The following ANKRD16 variants were observed in gnomAD, a reference collection of about 807,000 sequenced individuals.
The protein encoded by ANKRD16 is ankyrin repeat domain-containing protein 16.
In ANKRD16, 35 loss-of-function variants were observed where a neutral mutation model predicts 37.9. That is an observed-to-expected ratio of 0.92 (90% CI 0.71 to 1.23). ANKRD16 has a LOEUF of 1.23. Ranked by LOEUF, ANKRD16 falls within the 50% of genes most tolerant of loss-of-function variation. The pLI is 0.00. For synonymous variants in ANKRD16, 206 were observed against 197.2 expected (o/e 1.04, Z -0.37); for missense variants, 480 against 469.9 (o/e 1.02, Z -0.20).
In ANKRD16 at chr10:5,877,969, C is replaced by T. The variant is rs1842210961; in HGVS notation, c.*33+128G>A. 5.9e-6 allele frequency: 6 copies of T among 1,021,008 alleles called. No homozygotes were observed. In the African/African-American group the frequency reaches 8.0e-5, roughly 14 times the overall value. The allele number at this position is 1,021,008 out of a possible 1,614,324, so 63.2% of individuals were successfully genotyped here. A position where few individuals can be genotyped will look rare whatever the true frequency, so the allele number is the denominator to read the frequency against. The stretch of plus-strand genomic sequence containing the variant: ...AGCTGGGAACTCAGCCCCCTGATCA[C>T]TGGGAACTCCTCAGCAGGAGTGGAA... On this transcript the variant is annotated intron_variant, in intron 7 of 7. Transcript: ENST00000380094.
rs773348914 is a variant in ANKRD16, at chr10:5,889,147, C to G, written c.208G>C (p.Asp70His). 1 of 1,598,546 alleles carries G rather than the reference C, an allele frequency of 6.3e-7. No homozygotes were observed. Among genetic ancestry groups the G allele is most frequent in the Admixed American group, 1.7e-5 (1 of 59,840 alleles). ...WGMDIEATNR[D>H]YKRPLHEAAS... is the part of the protein sequence containing the mutation. ...GCCTCGTGCAGAGGCCGCTTGTAGT[C>G]TCGGTTGGTGGCCTCGATGTCCATG... is the stretch of plus-strand genomic sequence containing the variant. The change falls in exon 1 of 8, where the codon GAC becomes CAC. Residue 70 changes from aspartate (D) to histidine (H), a missense_variant. Physicochemically the swap from Asp to His is moderately conservative, Grantham distance 81. Transcript: ENST00000380094.
At chr10:5,887,708 CAGATG>C in intron 2 of ANKRD16, 134 bp downstream of exon 2, 2 of 193,390 alleles carry the variant, frequency 1.0e-5, no homozygotes, top group Non-Finnish European at 2.1e-5. Flanking sequence ...CCCTCCCCCC[CAGATG>C]TTCTTATTCT....
chr10:5,876,651 C>T (rs1842190470), intron 7 of ANKRD16, among the ~76,000 whole-genome samples: 2 of 152,178 alleles, frequency 1.3e-5, no homozygotes, highest in South Asian at 4.1e-4. Flanking sequence ...AAACAGGAAT[C>T]CGCTGATGCC....
chr10:5,872,901 C>T (rs1288627906), intron 7 of ANKRD16, among the ~76,000 whole-genome samples: 1 of 151,824 alleles, frequency 6.6e-6, no homozygotes, highest in Non-Finnish European at 1.5e-5. Flanking sequence ...CACTCTGTCA[C>T]CCAGGCTGGA....
rs1036324728 is a variant in ANKRD16 at position 5,889,423 on chromosome 10, C to T, written c.-69G>A. On this transcript the variant is annotated 5_prime_UTR_variant, in exon 1 of 8. Coordinates refer to ENST00000380094, the MANE Select transcript of ANKRD16 (RefSeq NM_019046.3). The stretch of plus-strand genomic sequence containing the variant: ...ACACCGGCGGCCGGGCAGGGAGAAG[C>T]CGAGGGCGAGTGGGACTTTCCGCCT... 8.2e-6 allele frequency: 9 copies of T among 1,103,534 alleles called. No homozygotes were observed. In the African/African-American group the frequency reaches 1.5e-4, roughly 18 times the overall value. The allele number at this position is 1,103,534 out of a possible 1,614,324, so 68.4% of individuals were successfully genotyped here.
intron 2 of ANKRD16, 85 bp from the exon 3 acceptor site, chr10:5,885,850 C>T (rs1382368099): frequency 1.7e-5 from 23 of 1,381,530 alleles, no homozygotes; most frequent in South Asian, 5.4e-5. Context: ...CTCTCTGCCC[C>T]GTTCTATTAG....
chr10:5,880,219 ATCATTGTTTTAAATAT>A, intron 6 of ANKRD16, 63 bp downstream of exon 6: 1 of 463,712 alleles, frequency 2.2e-6, no homozygotes. Context: ...GAATATTAAA[ATCATTGTTTTAAATAT>A]AAAAGTGTAT....
rs1841990347 is a variant in ANKRD16, at chr10:5,864,719, C to G, written c.*34-2028G>C. Among the ~76,000 whole-genome samples, 1 of 151,620 alleles carries G rather than the reference C, an allele frequency of 6.6e-6. No homozygotes were observed. ...TCCCCATTATGGATCTCCAGTGGGA[C>G]CTCAACTCAGACCATGGGTACTGGA... On this transcript the variant is annotated intron_variant, in intron 7 of 7. Transcript: ENST00000380094. This position sits in a 1 kb window ranked among gnomAD's most constrained non-coding sequence, Gnocchi z 4.4.
chr10:5,889,588 C>T lies in ANKRD16; in HGVS notation c.-234G>A, dbSNP rs1842562170. ...TGCCCCCTCACAGCCCCGGCCTGCC[C>T]CGCGTGGGAGAAGCCGCGGTTCCGG... On this transcript the variant is annotated 5_prime_UTR_variant, in exon 1 of 8. Transcript: ENST00000380094. The T allele has an allele frequency of 4.2e-6, 1 of 239,892 alleles. No homozygotes were observed. The highest frequency in any genetic ancestry group is 7.8e-6 in the Non-Finnish European group (1 of 127,870). 14.9% of individuals were successfully genotyped at this position (239,892 alleles called of 1,614,324 possible).
intron 6 of ANKRD16, among the ~76,000 whole-genome samples, chr10:5,879,483 A>T (rs77026709): frequency 6.6e-6 from 1 of 152,006 alleles, no homozygotes; most frequent in African/African-American, 2.4e-5. Flanking sequence ...AAAAAAAAAA[A>T]TTCCACTAAA....
At chr10:5,876,111 T>C (rs1186383451) in intron 7 of ANKRD16, among the ~76,000 whole-genome samples, 1 of 152,188 alleles carries the variant, frequency 6.6e-6, no homozygotes, top group African/African-American at 2.4e-5. Context: ...CTTGAACTCC[T>C]GACCTCAGGT....
intron 7 of ANKRD16, among the ~76,000 whole-genome samples, chr10:5,877,782 GTGTATGCTATATT>G (rs1842207661): frequency 6.6e-6 from 1 of 152,250 alleles, no homozygotes; most frequent in African/African-American, 2.4e-5. Flanking sequence ...TTGTGAAAGT[GTGTATGCTATATT>G]ATATTCATGC....
rs558447709 is a variant in ANKRD16 at position 5,871,312 on chromosome 10, G to A, written c.*33+6785C>T. On this transcript the variant is annotated intron_variant, in intron 7 of 7. Coordinates refer to ENST00000380094, the MANE Select transcript of ANKRD16 (RefSeq NM_019046.3). This position sits in a 1 kb window ranked among gnomAD's most constrained non-coding sequence, Gnocchi z 4.5. ...TGAGGCAGGAGAATCGCTTGAACCC[G>A]GGAGGCAGAGGTTGCTGTGAGCCGA... Among the ~76,000 whole-genome samples, 140 of 152,118 alleles carry A rather than the reference G, an allele frequency of 9.2e-4. 1 individual carries two copies. Among genetic ancestry groups the A allele is most frequent in the South Asian group, 2.5e-3 (12 of 4,806 alleles).
Position 5,889,333 on chromosome 10 carries a change from G to C in ANKRD16, c.22C>G (p.Arg8Gly), listed in dbSNP as rs1314484466. The C allele has an allele frequency of 8.0e-7, 1 of 1,257,564 alleles. No individual in the cohort carries two copies. The allele number at this position is 1,257,564 out of a possible 1,614,324, so 77.9% of individuals were successfully genotyped here. A position where few individuals can be genotyped will look rare whatever the true frequency, so the allele number is the denominator to read the frequency against. MAQPGDP[R>G]RLCRLVQEGR... ...TCCTGCACCAGCCTGCAGAGGCGCC[G>C]CGGGTCCCCGGGCTGGGCCATCGCC... Residue 8 changes from arginine (R) to glycine (G), a missense_variant, in exon 1 of 8, where the codon CGG (arginine) becomes GGG (glycine). Coordinates refer to ENST00000380094, the MANE Select transcript of ANKRD16 (RefSeq NM_019046.3).
intron 5 of ANKRD16, among the ~76,000 whole-genome samples, chr10:5,881,488 T>C (rs1458250508): frequency 1.1e-5 from 1 of 93,316 alleles, no homozygotes; most frequent in African/African-American, 3.6e-5. Context: ...ATATTTGAGA[T>C]GTAGTCTCAC....
rs149338217 is a variant in ANKRD16, at chr10:5,880,347, G to C, written c.879C>G (p.Leu293=). The change falls in exon 6 of 8, where the codon CTC becomes CTG. Residue 293 remains leucine (L), a synonymous_variant. Coordinates refer to ENST00000380094, the MANE Select transcript of ANKRD16 (RefSeq NM_019046.3). ...AATTGATGTCAGCTCCCAAGGATAAGAGAGTCTGAATTGTACTTGTATGTC... is the reference window on the plus strand; with the variant it reads ...AATTGATGTCAGCTCCCAAGGATAACAGAGTCTGAATTGTACTTGTATGTC... ...KEGHTSTIQT[L]LSLGADINSK... 9 of 1,606,772 alleles carry C rather than the reference G, an allele frequency of 5.6e-6. No homozygotes were observed. The highest frequency in any genetic ancestry group is 7.6e-6 in the Non-Finnish European group (9 of 1,177,188).
At position 5,889,219 on chromosome 10, in the gene ANKRD16, G is replaced by A; in HGVS notation, c.136C>T (p.Arg46Cys). The A allele has an allele frequency of 2.5e-6, 4 of 1,593,806 alleles. No homozygotes were observed. The highest frequency in any genetic ancestry group is 3.4e-6 in the Non-Finnish European group (4 of 1,177,794). Residue 46 changes from arginine (R) to cysteine (C), a missense_variant, in exon 1 of 8, where the codon CGC becomes TGC. Physicochemically the swap from Arg to Cys is radical, Grantham distance 180. Coordinates refer to ENST00000380094, the MANE Select transcript of ANKRD16 (RefSeq NM_019046.3). The stretch of plus-strand genomic sequence containing the variant: ...GCCAGCACGTCCCGATGCCCGTGGC[G>A]CGCGGCGCAGTGCAGGAGGGTATCC... ...AGDTLLHCAA[R>C]HGHRDVLAYL...
In ANKRD16 at chr10:5,888,085, A is replaced by T; in HGVS notation, c.315-18T>A. 1 of 1,610,900 alleles carries T rather than the reference A, an allele frequency of 6.2e-7. No individual in the cohort carries two copies. Among genetic ancestry groups the T allele is most frequent in the African/African-American group, 1.3e-5 (1 of 74,930 alleles). On this transcript the variant is annotated intron_variant, in intron 1 of 7. Transcript: ENST00000380094. Reference sequence around the variant, plus strand: ...GAGGAGTCCTAAGGCCAACCAGGAGAAGCTGTCAGATGGAGGCAGCTGAGA... The same window carrying T: ...GAGGAGTCCTAAGGCCAACCAGGAGTAGCTGTCAGATGGAGGCAGCTGAGA...
intron 7 of ANKRD16, among the ~76,000 whole-genome samples, chr10:5,877,545 T>A (rs1232595994): frequency 2.0e-5 from 3 of 152,252 alleles, no homozygotes; most frequent in Non-Finnish European, 4.4e-5. Context: ...TATAAAAGTT[T>A]TTATTAATTT....
Sources: allele counts gnomAD v4.1 joint callset (sites outside exome capture counted in the v4.1 genomes callset), GRCh38; gene constraint gnomAD v4.1.1; non-coding constraint Gnocchi (gnomAD v3.1); transcripts MANE v1.5; gene names NCBI Gene and HGNC (gene_info 2026-07-23, HGNC 2026-07-21).